The following FTCDNL1 variants were observed in gnomAD, a reference collection of about 807,000 sequenced individuals.
FTCDNL1 encodes the protein formiminotransferase cyclodeaminase N-terminal like.
A neutral mutation model predicts 5.9 loss-of-function variants in FTCDNL1; 11 were observed. The observed-to-expected ratio is 1.87, with a 90% CI of 1.18 to 3.10. The LOEUF is 3.10. FTCDNL1 is among the 30% of genes most tolerant of loss of function. The pLI is 0.00. For missense variants in FTCDNL1, 115 were observed against 65.5 expected (o/e 1.76, Z -2.61); for synonymous variants, 58 against 24.8 (o/e 2.34, Z -3.99).
At chr2:199,687,971 G>A in the FTCDNL1 span, among the ~76,000 whole-genome samples, 56 of 152,186 alleles carry the variant, frequency 3.7e-4, no homozygotes, top group Admixed American at 7.2e-4. Flanking sequence ...TCTGGGTCGC[G>A]TGTGGTGGCT....
intron 2 of FTCDNL1, among the ~76,000 whole-genome samples, chr2:199,847,083 T>C (rs1466644232): frequency 1.3e-5 from 2 of 152,272 alleles, no homozygotes; most frequent in African/African-American, 2.4e-5. Flanking sequence ...AAGATAAACA[T>C]ATGTCACTCA....
At chr2:199,724,944 A>T in the FTCDNL1 span, among the ~76,000 whole-genome samples, 90,691 of 151,406 alleles carry the variant, frequency 0.6, 30,537 homozygotes, top group Non-Finnish European at 0.75. Flanking sequence ...TCTTTAAAAA[A>T]TTTTTTTTCT....
chr2:199,827,253 T>C (rs768584945), intron 3 of FTCDNL1, among the ~76,000 whole-genome samples: 2 of 152,110 alleles, frequency 1.3e-5, no homozygotes, highest in Non-Finnish European at 2.9e-5. Flanking sequence ...AGCAAACAGA[T>C]CCAGAATGTG....
chr2:199,696,235 C>T, the FTCDNL1 span, among the ~76,000 whole-genome samples: 1 of 152,206 alleles, frequency 6.6e-6, no homozygotes, highest in Non-Finnish European at 1.5e-5. Flanking sequence ...GGCTCAAGCA[C>T]GCATACATGG....
chr2:199,676,516 C>T, the FTCDNL1 span, among the ~76,000 whole-genome samples: 5 of 151,764 alleles, frequency 3.3e-5, no homozygotes, highest in African/African-American at 1.2e-4. Flanking sequence ...TTTAATCCCC[C>T]AGTATATTTA....
the FTCDNL1 span, among the ~76,000 whole-genome samples, chr2:199,723,154 T>C: frequency 6.6e-6 from 1 of 152,042 alleles, no homozygotes; most frequent in African/African-American, 2.4e-5. Flanking sequence ...TAATCCCCTC[T>C]CTGTGTCCAT....
chr2:199,760,416 T>C, downstream of FTCDNL1: 1 of 171,274 alleles, frequency 5.8e-6, no homozygotes. Context: ...AATTTGGGAC[T>C]GGAATCTACT....
At chr2:199,799,443 T>C (rs554499376) in intron 3 of FTCDNL1, among the ~76,000 whole-genome samples, 173 of 152,310 alleles carry the variant, frequency 1.1e-3, no homozygotes, top group African/African-American at 4.0e-3. Flanking sequence ...TCTGTAGATG[T>C]GGCTACTTAG....
chr2:199,798,760 C>CT (rs1700296015), intron 3 of FTCDNL1, among the ~76,000 whole-genome samples: 1 of 152,214 alleles, frequency 6.6e-6, no homozygotes, highest in Admixed American at 6.5e-5. Flanking sequence ...TGCTAACAAT[C>CT]TTATGGATTG....
chr2:199,707,281 C>T, the FTCDNL1 span, among the ~76,000 whole-genome samples: 1 of 152,072 alleles, frequency 6.6e-6, no homozygotes, highest in South Asian at 2.1e-4. Flanking sequence ...AGAAAATTCA[C>T]CAGTGAAGCC....
the FTCDNL1 span, among the ~76,000 whole-genome samples, chr2:199,695,396 C>G: frequency 6.6e-6 from 1 of 152,140 alleles, no homozygotes; most frequent in Non-Finnish European, 1.5e-5. Flanking sequence ...TGGAACATGG[C>G]TAGCCCAAAC....
the FTCDNL1 span, among the ~76,000 whole-genome samples, chr2:199,733,635 G>A: frequency 6.6e-6 from 1 of 152,168 alleles, no homozygotes; most frequent in African/African-American, 2.4e-5. Context: ...ATCAATGTCA[G>A]GTGCTGAAAG....
intron 4 of FTCDNL1, among the ~76,000 whole-genome samples, chr2:199,817,995 A>G (rs1338112503): frequency 1.3e-5 from 2 of 152,216 alleles, no homozygotes; most frequent in Admixed American, 1.3e-4. Context: ...TATGATTTTT[A>G]TATCAGGTTA....
the FTCDNL1 span, among the ~76,000 whole-genome samples, chr2:199,674,308 G>C: frequency 6.6e-6 from 1 of 152,108 alleles, no homozygotes; most frequent in Admixed American, 6.5e-5. Context: ...CATAAGGAGA[G>C]GGGAGACAAC....
the FTCDNL1 span, among the ~76,000 whole-genome samples, chr2:199,671,557 G>A: frequency 7.2e-5 from 11 of 152,252 alleles, no homozygotes; most frequent in East Asian, 7.7e-4. Flanking sequence ...ATATGCAAAA[G>A]TTTTCCAAAA....
intron 3 of FTCDNL1, among the ~76,000 whole-genome samples, chr2:199,780,251 T>C (rs776675029): frequency 6.6e-6 from 1 of 152,148 alleles, no homozygotes; most frequent in Non-Finnish European, 1.5e-5. Context: ...TGGGCCCTTA[T>C]ATCCCTGAGT....
chr2:199,699,829 G>A, the FTCDNL1 span, among the ~76,000 whole-genome samples: 5 of 152,124 alleles, frequency 3.3e-5, no homozygotes, highest in East Asian at 9.6e-4. Context: ...TGCAGAAAAT[G>A]TTTTCACTAA....
rs116422062 is a variant in FTCDNL1 at position 199,781,119 on chromosome 2, C to T, written c.212-20284G>A. Among the ~76,000 whole-genome samples the T allele has an allele frequency of 9.9e-4, 151 of 152,286 alleles. 1 individual carries two copies. The highest frequency in any genetic ancestry group is 3.6e-3 in the African/African-American group (150 of 41,564). ...ATTCAAGGCTCTCTTACTTCATGTC[C>T]GCTCCCACAGGTCCATCATGTCTCT... On this transcript the variant is annotated intron_variant, in intron 3 of 3. Transcript: ENST00000416668.
At chr2:199,838,654 G>A (rs961105773) in intron 3 of FTCDNL1, among the ~76,000 whole-genome samples, 2 of 152,118 alleles carry the variant, frequency 1.3e-5, no homozygotes, top group African/African-American at 4.8e-5. Context: ...GAAGGCAAAG[G>A]GGAAGCTCAA....
Sources: gnomAD v4.1 joint callset for allele counts (sites outside exome capture counted in the v4.1 genomes callset) on GRCh38, gnomAD v4.1.1 for gene constraint, MANE v1.5 for transcripts, NCBI Gene and HGNC (gene_info 2026-07-23, HGNC 2026-07-21) for gene names.